SGCZ: variants seen among roughly 807,000 people sequenced by gnomAD.
SGCZ encodes sarcoglycan zeta.
SGCZ carries 40 observed loss-of-function variants against 41.3 expected under a neutral mutation model. That is an observed-to-expected ratio of 0.97 (90% CI 0.75 to 1.26). The LOEUF is 1.26. SGCZ is among the 50% of genes most tolerant of loss of function. SGCZ has a pLI of 0.00. For synonymous variants in SGCZ, 206 were observed against 137.5 expected (o/e 1.50, Z -3.49); for missense variants, 552 against 369.8 (o/e 1.49, Z -4.04).
At chr8:15,210,857 C>T (rs1801213166) in intron 1 of SGCZ, among the ~76,000 whole-genome samples, 1 of 152,034 alleles carries the variant, frequency 6.6e-6, no homozygotes, top group Admixed American at 6.6e-5. Context: ...TAAACCTTTT[C>T]TTATTTTATT....
intron 1 of SGCZ, among the ~76,000 whole-genome samples, chr8:15,160,861 G>A (rs1238597680): frequency 6.6e-6 from 1 of 152,180 alleles, no homozygotes; most frequent in Non-Finnish European, 1.5e-5. Context: ...AACATAGCAT[G>A]CAGAGGCATC....
rs376981857 is a variant in SGCZ at position 14,723,670 on chromosome 8, C to CTA, written c.40-168746_40-168745dup. Among the ~76,000 whole-genome samples, 895 of 150,862 alleles carry CTA rather than the reference C, an allele frequency of 5.9e-3. 3 individuals carry two copies. Among genetic ancestry groups the CTA allele is most frequent in the East Asian group, 0.02 (102 of 5,146 alleles). On this transcript the variant is annotated intron_variant, in intron 1 of 7. Coordinates refer to ENST00000382080, the MANE Select transcript of SGCZ (RefSeq NM_139167.4). ...GAACACATGAAATTTATATATTTAT[C>CTA]TATATATATATATGTCTGTGTCTAT...
chr8:14,313,071 A>G (rs1801600382), intron 3 of SGCZ, among the ~76,000 whole-genome samples: 1 of 152,092 alleles, frequency 6.6e-6, no homozygotes, highest in Non-Finnish European at 1.5e-5. Flanking sequence ...TTTTCATGAT[A>G]CTCAGATAAG....
At chr8:14,625,739 A>G (rs1806434086) in intron 1 of SGCZ, among the ~76,000 whole-genome samples, 1 of 152,130 alleles carries the variant, frequency 6.6e-6, no homozygotes, top group South Asian at 2.1e-4. Context: ...CTAGAAGTGA[A>G]CAGTGTAAGA....
chr8:14,366,498 G>T (rs1803712159), intron 2 of SGCZ, among the ~76,000 whole-genome samples: 1 of 152,062 alleles, frequency 6.6e-6, no homozygotes, highest in Non-Finnish European at 1.5e-5. Context: ...GAAAAAATTT[G>T]GTGGGGGGGA....
intron 3 of SGCZ, among the ~76,000 whole-genome samples, chr8:14,267,097 G>A (rs1462544281): frequency 6.6e-6 from 1 of 152,006 alleles, no homozygotes; most frequent in Non-Finnish European, 1.5e-5. Context: ...GGAATATAAT[G>A]AGTGTGGTAG....
intron 2 of SGCZ, among the ~76,000 whole-genome samples, chr8:14,527,694 C>A (rs1390765755): frequency 2.0e-5 from 3 of 152,020 alleles, no homozygotes; most frequent in Non-Finnish European, 4.4e-5. Context: ...TCAGTTCCTC[C>A]ATCATGCTAG....
At chr8:14,851,134 C>T (rs1585317816) in intron 1 of SGCZ, among the ~76,000 whole-genome samples, 1 of 151,994 alleles carries the variant, frequency 6.6e-6, no homozygotes, top group South Asian at 2.1e-4. Flanking sequence ...CTTTGGGAGG[C>T]CAAGGCGGGC....
chr8:15,162,092 T>C (rs1189134790), intron 1 of SGCZ, among the ~76,000 whole-genome samples: 1 of 152,220 alleles, frequency 6.6e-6, no homozygotes, highest in African/African-American at 2.4e-5. Context: ...TAAAGAATTT[T>C]AATCTTACAC....
intron 2 of SGCZ, among the ~76,000 whole-genome samples, chr8:14,394,698 T>A (rs1338805733): frequency 6.6e-6 from 1 of 152,028 alleles, no homozygotes; most frequent in Non-Finnish European, 1.5e-5. Context: ...GTAGTAAAGA[T>A]AAAGTGGAAA....
At chr8:14,444,556 G>T (rs181637514) in intron 2 of SGCZ, among the ~76,000 whole-genome samples, 130 of 150,684 alleles carry the variant, frequency 8.6e-4, no homozygotes, top group Admixed American at 2.3e-3. Flanking sequence ...GTAAACTATC[G>T]TAAGAACAAA....
chr8:15,045,860 T>G (rs1804282468), intron 1 of SGCZ, among the ~76,000 whole-genome samples: 1 of 151,960 alleles, frequency 6.6e-6, no homozygotes, highest in South Asian at 2.1e-4. Context: ...GGAAACAAAA[T>G]TGGAAGAAAA....
intron 2 of SGCZ, among the ~76,000 whole-genome samples, chr8:14,416,839 G>A (rs149481144): frequency 6.6e-6 from 1 of 151,778 alleles, no homozygotes; most frequent in Non-Finnish European, 1.5e-5. Flanking sequence ...GTTTATTGAA[G>A]ATTAAGTAGA....
intron 2 of SGCZ, among the ~76,000 whole-genome samples, chr8:14,355,301 T>C (rs1339708372): frequency 2.0e-5 from 3 of 152,238 alleles, no homozygotes; most frequent in Non-Finnish European, 4.4e-5. Context: ...TCAAAGTCTA[T>C]ATTCTCTCTT....
At chr8:14,934,132 G>T (rs192483964) in intron 1 of SGCZ, among the ~76,000 whole-genome samples, 1 of 151,800 alleles carries the variant, frequency 6.6e-6, no homozygotes, top group East Asian at 1.9e-4. Flanking sequence ...TCCTTTCTAG[G>T]GCAATGTATT....
chr8:14,933,149 G>A (rs1799967853), intron 1 of SGCZ, among the ~76,000 whole-genome samples: 1 of 151,920 alleles, frequency 6.6e-6, no homozygotes, highest in African/African-American at 2.4e-5. Context: ...CACTACGTCG[G>A]TAACAGCATC....
intron 2 of SGCZ, among the ~76,000 whole-genome samples, chr8:14,367,833 C>T (rs1219605354): frequency 6.6e-6 from 1 of 151,888 alleles, no homozygotes; most frequent in East Asian, 1.9e-4. Context: ...ATGTCATTCC[C>T]TCTCCTTAGC....
At chr8:14,776,925 G>T (rs980377782) in intron 1 of SGCZ, among the ~76,000 whole-genome samples, 1 of 152,186 alleles carries the variant, frequency 6.6e-6, no homozygotes, top group African/African-American at 2.4e-5. Context: ...ATCCCTTGAT[G>T]TATACCATGG....
intron 1 of SGCZ, among the ~76,000 whole-genome samples, chr8:14,579,946 G>C (rs1422957321): frequency 6.6e-6 from 1 of 152,104 alleles, no homozygotes; most frequent in Non-Finnish European, 1.5e-5. Flanking sequence ...TAGTATATTT[G>C]TTCTATTGAG....
Sources: gnomAD v4.1 joint callset for allele counts (sites outside exome capture counted in the v4.1 genomes callset) on GRCh38, gnomAD v4.1.1 for gene constraint, MANE v1.5 for transcripts, NCBI Gene and HGNC (gene_info 2026-07-23, HGNC 2026-07-21) for gene names.